The following SUGCT variants were observed in gnomAD, a reference collection of about 807,000 sequenced individuals.
SUGCT encodes succinyl-CoA:glutarate-CoA transferase.
A neutral mutation model predicts 55.0 loss-of-function variants in SUGCT; 41 were observed. That is an observed-to-expected ratio of 0.74 (90% confidence interval 0.58 to 0.97). The LOEUF (loss-of-function observed/expected upper bound fraction) is 0.97, where lower values mean the gene tolerates loss of function less well. SUGCT is among the 50% of genes least tolerant of loss of function. The pLI is 0.00. For missense variants in SUGCT, 568 were observed against 547.8 expected (o/e 1.04, Z -0.37); for synonymous variants, 187 against 200.4 (o/e 0.93, Z 0.56).
At chr7:40,300,229 G>A (rs915851221) in intron 8 of SUGCT, among the ~76,000 whole-genome samples, 2 of 152,148 alleles carry the variant, frequency 1.3e-5, no homozygotes, top group African/African-American at 4.8e-5. Flanking sequence ...GCTGTGAGGA[G>A]GTTAGTGCTA....
intron 6 of SUGCT, among the ~76,000 whole-genome samples, chr7:40,216,327 C>T (rs565449030): frequency 1.3e-5 from 2 of 151,146 alleles, no homozygotes; most frequent in South Asian, 4.2e-4. Flanking sequence ...CATGGTGAAA[C>T]CCCGTCTCTA....
intron 12 of SUGCT, among the ~76,000 whole-genome samples, chr7:40,500,393 T>C (rs1459371899): frequency 6.6e-6 from 1 of 152,174 alleles, no homozygotes; most frequent in Non-Finnish European, 1.5e-5. Flanking sequence ...CAGCTGGCCC[T>C]GATTTTAACT....
At chr7:40,513,635 C>A (rs893210043) in intron 12 of SUGCT, among the ~76,000 whole-genome samples, 3 of 152,104 alleles carry the variant, frequency 2.0e-5, no homozygotes, top group Non-Finnish European at 2.9e-5. Context: ...ACTCTACCAT[C>A]CTCTTACACA....
intron 8 of SUGCT, among the ~76,000 whole-genome samples, chr7:40,296,544 AT>A (rs200216574): frequency 6.7e-4 from 101 of 150,946 alleles, no homozygotes; most frequent in South Asian, 1.7e-3. Context: ...ATGCAATGCA[AT>A]TTTTTTTTCC....
chr7:41,012,546 G>C, the SUGCT span, among the ~76,000 whole-genome samples: 2 of 152,170 alleles, frequency 1.3e-5, no homozygotes, highest in Non-Finnish European at 2.9e-5. Context: ...CACATAGCAA[G>C]TGCTCAAAAA....
intron 12 of SUGCT, among the ~76,000 whole-genome samples, chr7:40,704,506 G>T (rs1197884960): frequency 6.6e-6 from 1 of 152,094 alleles, no homozygotes; most frequent in East Asian, 1.9e-4. Context: ...GACCACAGGG[G>T]TAGAGGTCAC....
At chr7:40,559,330 G>A (rs1795720486) in intron 12 of SUGCT, among the ~76,000 whole-genome samples, 1 of 152,206 alleles carries the variant, frequency 6.6e-6, no homozygotes, top group African/African-American at 2.4e-5. Flanking sequence ...ACTGCGCTGT[G>A]GTGTTTGAGT....
chr7:40,646,900 G>A (rs1384953276), intron 12 of SUGCT, among the ~76,000 whole-genome samples: 1 of 152,144 alleles, frequency 6.6e-6, no homozygotes, highest in Non-Finnish European at 1.5e-5. Flanking sequence ...ATGAATATCT[G>A]TTGCATGAAT....
intron 13 of SUGCT, among the ~76,000 whole-genome samples, chr7:40,780,188 A>G (rs766500473): frequency 2.0e-5 from 3 of 152,162 alleles, no homozygotes; most frequent in Non-Finnish European, 4.4e-5. Context: ...CTGGATGGGA[A>G]TCAGGTGCTG....
chr7:40,477,392 T>G (rs1264878026), intron 11 of SUGCT, among the ~76,000 whole-genome samples: 1 of 152,118 alleles, frequency 6.6e-6, no homozygotes, highest in Admixed American at 6.6e-5. Context: ...TCTTTCTGAA[T>G]GTAGTAGTAT....
chr7:40,712,314 C>T (rs1785768353), intron 12 of SUGCT, among the ~76,000 whole-genome samples: 1 of 152,168 alleles, frequency 6.6e-6, no homozygotes, highest in Non-Finnish European at 1.5e-5. Context: ...CTCTTAACCA[C>T]AAGTAATTCT....
chr7:40,271,398 G>T (rs1792004582), intron 7 of SUGCT, among the ~76,000 whole-genome samples: 2 of 152,118 alleles, frequency 1.3e-5, no homozygotes, highest in Non-Finnish European at 2.9e-5. Flanking sequence ...CAAAGTGTGG[G>T]ATTATAGGAA....
intron 12 of SUGCT, among the ~76,000 whole-genome samples, chr7:40,687,033 C>A (rs1284439131): frequency 2.6e-5 from 4 of 152,134 alleles, no homozygotes; most frequent in Non-Finnish European, 1.5e-5. Context: ...TCACCCCCAA[C>A]CCACAATTTC....
intron 12 of SUGCT, among the ~76,000 whole-genome samples, chr7:40,523,184 TATG>T (rs1444557053): frequency 1.3e-5 from 2 of 152,072 alleles, no homozygotes; most frequent in African/African-American, 4.8e-5. Flanking sequence ...TTCTTTTTTA[TATG>T]ATATTATTGG....
chr7:40,476,539 G>T (rs1039136885), intron 11 of SUGCT, among the ~76,000 whole-genome samples: 1 of 151,868 alleles, frequency 6.6e-6, no homozygotes, highest in African/African-American at 2.4e-5. Flanking sequence ...CTTTTTTTGC[G>T]TTTGCTTAAC....
intron 12 of SUGCT, among the ~76,000 whole-genome samples, chr7:40,562,083 A>T (rs1327946590): frequency 6.7e-6 from 1 of 150,214 alleles, no homozygotes; most frequent in Non-Finnish European, 1.5e-5. Flanking sequence ...CTGGATCACA[A>T]GGTCAGGAGA....
At chr7:40,499,662 A>G (rs1792173055) in intron 12 of SUGCT, 1 of 152,372 alleles carries the variant, frequency 6.6e-6, no homozygotes, top group African/African-American at 2.4e-5. Context: ...CAAAACCCTT[A>G]GAGTGGGAGT....
At chr7:40,844,450 C>T (rs1173500095) in intron 13 of SUGCT, among the ~76,000 whole-genome samples, 8 of 152,020 alleles carry the variant, frequency 5.3e-5, no homozygotes, top group African/African-American at 1.4e-4. Context: ...CCTGAATGAC[C>T]GAACTCTTCT....
At chr7:40,968,567 G>T in the SUGCT span, among the ~76,000 whole-genome samples, 1 of 152,182 alleles carries the variant, frequency 6.6e-6, no homozygotes, top group Non-Finnish European at 1.5e-5. Flanking sequence ...CACCTCCAAG[G>T]TGAGGTTCAG....
Sources: allele counts gnomAD v4.1 joint callset (sites outside exome capture counted in the v4.1 genomes callset), GRCh38; gene constraint gnomAD v4.1.1; transcripts MANE v1.5; gene names NCBI Gene and HGNC (gene_info 2026-07-23, HGNC 2026-07-21).